PIEZO2: variants seen among roughly 807,000 people sequenced by gnomAD.
The protein encoded by PIEZO2 is piezo-type mechanosensitive ion channel component 2.
In PIEZO2, 172 loss-of-function variants were observed where a neutral mutation model predicts 337.3. That is an observed-to-expected ratio of 0.51 (90% CI 0.45 to 0.58). PIEZO2 has a LOEUF of 0.58. Among genes scored for constraint, PIEZO2 ranks in the 20% least tolerant of loss-of-function variants. The pLI is 0.00. For synonymous variants in PIEZO2, 1,251 were observed against 1,228.5 expected, an observed-to-expected ratio of 1.02 and a Z score of -0.38; for missense variants, 3,028 against 3,391.3, an observed-to-expected ratio of 0.89 and a Z score of 2.66.
chr18:10,993,460 G>A lies in PIEZO2; in HGVS notation c.161-13800C>T, dbSNP rs750453842. Among the ~76,000 whole-genome samples the A allele has an allele frequency of 6.6e-6, 1 of 152,116 alleles. No individual in the cohort carries two copies. Among genetic ancestry groups the A allele is most frequent in the African/African-American group, 2.4e-5 (1 of 41,424 alleles). On this transcript the variant is annotated intron_variant, in intron 2 of 55. Coordinates refer to ENST00000674853, the MANE Select transcript of PIEZO2 (RefSeq NM_001378183.1). The surrounding 1 kb of genome is among the most constrained non-coding windows in gnomAD (Gnocchi z 5.0). ...GTTGAAAGCCTTTTCTGCATCTATT[G>A]AGATAATCATGTCGTTTTTGTCATT...
chr18:10,919,509 C>T (rs1180414580), intron 3 of PIEZO2, among the ~76,000 whole-genome samples: 1 of 152,052 alleles, frequency 6.6e-6, no homozygotes, highest in Non-Finnish European at 1.5e-5. Context: ...GTGTTATGCC[C>T]TCATTTTGGG....
At chr18:11,020,032 A>C (rs2036255125) in intron 2 of PIEZO2, among the ~76,000 whole-genome samples, 1 of 152,148 alleles carries the variant, frequency 6.6e-6, no homozygotes, top group East Asian at 1.9e-4. Flanking sequence ...TGACCCAATA[A>C]ATCTTCTCTT....
At position 11,144,593 on chromosome 18, in the gene PIEZO2, T is replaced by G. The variant is rs570539240; in HGVS notation, c.64+3932A>C. Among the ~76,000 whole-genome samples, 35 of 152,368 alleles carry G rather than the reference T, an allele frequency of 2.3e-4. No homozygotes were observed. In the South Asian group the frequency reaches 7.0e-3, roughly 31 times the overall value. On this transcript the variant is annotated intron_variant, in intron 1 of 55. Transcript: ENST00000674853. Reference sequence around the variant, plus strand: ...GATTAGATAGCCATATCTAATATATTTCAAAAATGAGCCCAAATTTTTACT... The same window carrying G: ...GATTAGATAGCCATATCTAATATATGTCAAAAATGAGCCCAAATTTTTACT...
rs2040805262 is a variant in PIEZO2, at chr18:11,146,174, G to A, written c.64+2351C>T. 6.6e-6 allele frequency among the ~76,000 whole-genome samples: 1 copy of A among 152,136 alleles called. No individual in the cohort carries two copies. The highest frequency in any genetic ancestry group is 2.4e-5 in the African/African-American group (1 of 41,426). ...CTGAAGAATGAGCTGGATAAAGAAG[G>A]CAGCCCCAGGATCTCCTGGGCAGAC... On this transcript the variant is annotated intron_variant, in intron 1 of 55. Transcript: ENST00000674853. This position sits in a 1 kb window ranked among gnomAD's most constrained non-coding sequence, Gnocchi z 6.1.
In PIEZO2 at chr18:11,143,633, ACACACACTCTCTCTCTCTCT is replaced by A. The variant is rs1486279888; in HGVS notation, c.64+4872_64+4891del. Among the ~76,000 whole-genome samples the A allele has an allele frequency of 7.3e-5, 5 of 68,926 alleles. No individual in the cohort carries two copies. The highest frequency in any genetic ancestry group is 4.0e-4 in the African/African-American group (5 of 12,374). The allele number at this position is 68,926 out of a possible 152,430, so 45.2% of individuals were successfully genotyped here. A position where few individuals can be genotyped will look rare whatever the true frequency, so the allele number is the denominator to read the frequency against. On this transcript the variant is annotated intron_variant, in intron 1 of 55. Transcript: ENST00000674853. This position sits in a 1 kb window ranked among gnomAD's most constrained non-coding sequence, Gnocchi z 4.9. ...CACACACACACACACACACACACAC[ACACACACTCTCTCTCTCTCT>A]CTCTCTCTCTCTCTCTCTCACTCTC...
chr18:11,052,138 A>G (rs1294960201), intron 2 of PIEZO2, among the ~76,000 whole-genome samples: 1 of 151,794 alleles, frequency 6.6e-6, no homozygotes, highest in South Asian at 2.1e-4. Context: ...TGGTTTTTCT[A>G]TTCTCTAATA....
At chr18:10,933,265 C>T (rs1014262129) in intron 3 of PIEZO2, among the ~76,000 whole-genome samples, 3 of 152,102 alleles carry the variant, frequency 2.0e-5, no homozygotes, top group Non-Finnish European at 4.4e-5. Context: ...ATCCTAATGA[C>T]AATTGAACTG....
At chr18:11,107,884 G>A (rs2039615300) in intron 1 of PIEZO2, among the ~76,000 whole-genome samples, 1 of 152,202 alleles carries the variant, frequency 6.6e-6, no homozygotes, top group Admixed American at 6.5e-5. Flanking sequence ...CATATTTGCT[G>A]CTTGGCAACG....
At chr18:10,788,341 G>A (rs375140186) in intron 15 of PIEZO2, among the ~76,000 whole-genome samples, 31 of 151,088 alleles carry the variant, frequency 2.1e-4, no homozygotes, top group African/African-American at 7.0e-4. Flanking sequence ...GGCAGAGATT[G>A]CAGTGAGCAA....
At chr18:11,020,810 T>C (rs1358486378) in intron 2 of PIEZO2, among the ~76,000 whole-genome samples, 1 of 152,230 alleles carries the variant, frequency 6.6e-6, no homozygotes. Flanking sequence ...TTCGGAATAC[T>C]TGACATTCGT....
rs542595505 is a variant in PIEZO2, at chr18:10,708,942, G to T, written c.5424-503C>A. Among the ~76,000 whole-genome samples the T allele has an allele frequency of 2.7e-3, 415 of 152,206 alleles. 2 individuals are homozygous for T. The highest frequency in any genetic ancestry group is 3.2e-3 in the Non-Finnish European group (219 of 68,018). On this transcript the variant is annotated intron_variant, in intron 39 of 55. Coordinates refer to ENST00000674853, the MANE Select transcript of PIEZO2 (RefSeq NM_001378183.1). ...ACACGGTCTTCAGAATTAGAGAGGG[G>T]AAACTCAGGAATGACAACAAACTGA...
intron 27 of PIEZO2, among the ~76,000 whole-genome samples, chr18:10,756,780 A>C (rs2143811170): frequency 7.5e-6 from 1 of 133,310 alleles, no homozygotes; most frequent in Non-Finnish European, 1.6e-5. Flanking sequence ...GAGAGATGAA[A>C]GATTAGGAGG....
rs2040704279 is a variant in PIEZO2, at chr18:11,143,098, A to AAGAAAAAAGAAAT, written c.64+5426_64+5427insATTTCTTTTTTCT. ...CGTCTCAAAAAAAAGAAAAAAGAAA[A>AAGAAAAAAGAAAT]AGAAAAAGTTTTCCAATATTTTTGT... On this transcript the variant is annotated intron_variant, in intron 1 of 55. Transcript: ENST00000674853. The surrounding 1 kb of genome is among the most constrained non-coding windows in gnomAD (Gnocchi z 4.9). 6.6e-6 allele frequency among the ~76,000 whole-genome samples: 1 copy of AAGAAAAAAGAAAT among 152,178 alleles called. No individual in the cohort carries two copies. Among genetic ancestry groups the AAGAAAAAAGAAAT allele is most frequent in the Non-Finnish European group, 1.5e-5 (1 of 68,034 alleles).
chr18:11,042,129 G>A (rs1046320222), intron 2 of PIEZO2, among the ~76,000 whole-genome samples: 3 of 152,202 alleles, frequency 2.0e-5, no homozygotes, highest in African/African-American at 4.8e-5. Context: ...CTCTAAGGAT[G>A]ATCAAATATA....
chr18:10,925,769 T>C (rs2145161373), intron 3 of PIEZO2, among the ~76,000 whole-genome samples: 1 of 152,176 alleles, frequency 6.6e-6, no homozygotes, highest in East Asian at 1.9e-4. Context: ...TGGTTTTCAC[T>C]GGGTTAGCCA....
rs751249093 is a variant in PIEZO2, at chr18:10,789,304, C to T, written c.1944G>A (p.Ala648=). 1.8e-5 allele frequency: 28 copies of T among 1,537,186 alleles called. No individual in the cohort carries two copies. Among genetic ancestry groups the T allele is most frequent in the East Asian group, 2.4e-5 (1 of 40,916 alleles). Reference sequence around the variant, plus strand: ...TCTTTCTCTCTTGCTTCTCTTCCTTCGCTTCCTCTTCTTCCTCCTCTTTGG... The same window carrying T: ...TCTTTCTCTCTTGCTTCTCTTCCTTTGCTTCCTCTTCTTCCTCCTCTTTGG... ...GEPKEEEEEE[A]KEEKQERKKV... Residue 648 remains alanine, a synonymous_variant, in exon 15 of 56, where the codon GCG becomes GCA. Transcript: ENST00000674853.
rs1328794196 is a variant in PIEZO2, at chr18:10,797,234, TATC to T, written c.1527+137_1527+139del. The T allele has an allele frequency of 6.3e-5, 39 of 618,340 alleles. No homozygotes were observed. The Middle Eastern group carries it at 1.3e-3, about 20-fold the overall frequency. The allele number at this position is 618,340 out of a possible 1,614,324, so 38.3% of individuals were successfully genotyped here. A position where few individuals can be genotyped will look rare whatever the true frequency, so the allele number is the denominator to read the frequency against. On this transcript the variant is annotated intron_variant, in intron 12 of 55. Transcript: ENST00000674853. The stretch of plus-strand genomic sequence containing the variant: ...ATCTTACATACCATCATATATGTAC[TATC>T]ATGTCATATCATACATACCATCATA...
In PIEZO2 at chr18:10,854,995, T is replaced by G. The variant is rs533915217; in HGVS notation, c.917+358A>C. 6.6e-6 allele frequency among the ~76,000 whole-genome samples: 1 copy of G among 152,232 alleles called. No individual in the cohort carries two copies. On this transcript the variant is annotated intron_variant, in intron 7 of 55. Coordinates refer to ENST00000674853, the MANE Select transcript of PIEZO2 (RefSeq NM_001378183.1). The surrounding 1 kb of genome is among the most constrained non-coding windows in gnomAD (Gnocchi z 4.6). The stretch of plus-strand genomic sequence containing the variant: ...AATTTGTTCTCGTATATTAGGCCCA[T>G]GAAACGCCTTTCTAGCTGGATGCTG...
intron 2 of PIEZO2, among the ~76,000 whole-genome samples, chr18:11,029,818 G>A (rs980262396): frequency 3.3e-5 from 5 of 151,994 alleles, no homozygotes; most frequent in African/African-American, 1.2e-4. Flanking sequence ...CTAGAAGGTG[G>A]ACCCTTCCAC....
Sources: allele counts gnomAD v4.1 joint callset (sites outside exome capture counted in the v4.1 genomes callset), GRCh38; gene constraint gnomAD v4.1.1; non-coding constraint Gnocchi (gnomAD v3.1); transcripts MANE v1.5; gene names NCBI Gene and HGNC (gene_info 2026-07-23, HGNC 2026-07-21).